Variants in CAPN3 observed in about 807,000 individuals in gnomAD.
The protein encoded by CAPN3 is calpain-3.
Under a neutral mutation model 114.0 loss-of-function variants are expected in CAPN3, and 88 were observed. The observed-to-expected ratio is 0.77, with a 90% confidence interval of 0.65 to 0.92. The LOEUF (loss-of-function observed/expected upper bound fraction) is 0.92, where lower values mean the gene tolerates loss of function less well. CAPN3 is among the 40% of genes least tolerant of loss of function. The pLI is 0.00. For missense variants in CAPN3, 1,028 were observed against 1,069.0 expected (o/e 0.96, Z 0.53); for synonymous variants, 386 against 382.9 (o/e 1.01, Z -0.09).
intron 9 of CAPN3, 89 bp from the exon 10 acceptor site, chr15:42,399,403 T>A: frequency 9.7e-7 from 1 of 1,029,460 alleles, no homozygotes; most frequent in Non-Finnish European, 1.5e-6. Flanking sequence ...AACTATTTTA[T>A]TATTGTGCTG....
intron 1 of CAPN3, among the ~76,000 whole-genome samples, chr15:42,380,745 ATATATATTT>A (rs1327733283): frequency 3.6e-5 from 2 of 55,942 alleles, no homozygotes; most frequent in African/African-American, 2.0e-4. Flanking sequence ...ATATATATAT[ATATATATTT>A]TTTTTTTTTT....
At chr15:42,405,800 G>A (rs2054002775) in intron 14 of CAPN3, 126 bp from the exon 15 acceptor site, 1 of 728,410 alleles carries the variant, frequency 1.4e-6, no homozygotes, top group South Asian at 1.6e-5. Context: ...ATGTGATTCA[G>A]ATTTCTGGAC....
chr15:42,368,201 T>A (rs2052838078), intron 1 of CAPN3, among the ~76,000 whole-genome samples: 1 of 152,186 alleles, frequency 6.6e-6, no homozygotes, highest in African/African-American at 2.4e-5. Context: ...AAAATCTGAG[T>A]CACCCCACAT....
rs778768583 is a variant in CAPN3 at position 42,410,958 on chromosome 15, G to C, written c.2338G>C (p.Asp780His). The C allele has an allele frequency of 3.7e-6, 6 of 1,614,196 alleles. No homozygotes were observed. In the South Asian group the frequency reaches 5.5e-5, roughly 15 times the overall value. The stretch of plus-strand genomic sequence containing the variant: ...AGACAAACACATGAACATCGACTTT[G>C]ACAGTTTCATCTGCTGCTTCGTTAG... Reference protein sequence around the residue: ...YADKHMNIDFDSFICCFVRLE... With the variant: ...YADKHMNIDFHSFICCFVRLE... Residue 780 changes from aspartate to histidine, a missense_variant, in exon 22 of 24, where the codon GAC becomes CAC. Transcript: ENST00000397163.
intron 1 of CAPN3, among the ~76,000 whole-genome samples, chr15:42,360,873 A>C (rs1393290309): frequency 6.6e-6 from 1 of 152,206 alleles, no homozygotes; most frequent in Non-Finnish European, 1.5e-5. Flanking sequence ...TCATCCCTCC[A>C]GTGTGACTCT....
rs200040228 is a variant in CAPN3 at position 42,367,831 on chromosome 15, C to CT, written c.309+7725dup. Reference sequence around the variant, plus strand: ...GGTAACCCTCCCTATTTTTTTCTCTCTTTTTTTTAAACAGAGATAGGAGTC... The same window carrying CT: ...GGTAACCCTCCCTATTTTTTTCTCTCTTTTTTTTTAAACAGAGATAGGAGTC... On this transcript the variant is annotated intron_variant, in intron 1 of 23. Coordinates refer to ENST00000397163, the MANE Select transcript of CAPN3 (RefSeq NM_000070.3). Among the ~76,000 whole-genome samples the CT allele has an allele frequency of 2.2e-3, 329 of 151,902 alleles. 1 individual carries two copies. The highest frequency in any genetic ancestry group is 4.2e-3 in the Non-Finnish European group (285 of 67,956).
Position 42,360,151 on chromosome 15 carries a change from C to T in CAPN3, c.309+37C>T, listed in dbSNP as rs926664637. The T allele has an allele frequency of 3.7e-6, 6 of 1,613,274 alleles. No homozygotes were observed. In the East Asian group the frequency reaches 8.9e-5, roughly 24 times the overall value. On this transcript the variant is annotated intron_variant, in intron 1 of 23. Coordinates refer to ENST00000397163, the MANE Select transcript of CAPN3 (RefSeq NM_000070.3). ...CCTGCTTGCTGGCTGGGTTTTCCCC[C>T]CACGGAGGAGTCCTCTCACTCAGCA...
chr15:42,373,306 G>A (rs2053003931), intron 1 of CAPN3, among the ~76,000 whole-genome samples: 1 of 152,212 alleles, frequency 6.6e-6, no homozygotes, highest in Non-Finnish European at 1.5e-5. Flanking sequence ...AAATCCTCAG[G>A]TCTGGGATGG....
chr15:42,377,742 A>T (rs532451077), intron 1 of CAPN3, among the ~76,000 whole-genome samples: 1 of 152,308 alleles, frequency 6.6e-6, no homozygotes, highest in Non-Finnish European at 1.5e-5. Context: ...TGGAAAATTC[A>T]TATTATTTCT....
chr15:42,378,472 C>T (rs2053150373), intron 1 of CAPN3, among the ~76,000 whole-genome samples: 1 of 152,214 alleles, frequency 6.6e-6, no homozygotes, highest in Non-Finnish European at 1.5e-5. Context: ...TGCCACCAGC[C>T]TGACTGAACT....
rs2053182541 is a variant in CAPN3 at position 42,379,547 on chromosome 15, CT to C, written c.310-4935del. 2.0e-5 allele frequency among the ~76,000 whole-genome samples: 3 copies of C among 152,254 alleles called. No homozygotes were observed. In the South Asian group the frequency reaches 6.2e-4, roughly 32 times the overall value. On this transcript the variant is annotated intron_variant, in intron 1 of 23. Transcript: ENST00000397163. ...TGAAAGAGAGTGTTGACATCACCAA[CT>C]ATAATACTGGATTTGTCTATTTCTC...
chr15:42,366,803 C>T (rs1481721491), intron 1 of CAPN3, among the ~76,000 whole-genome samples: 2 of 151,368 alleles, frequency 1.3e-5, no homozygotes, highest in South Asian at 2.1e-4. Context: ...CTCCACGACC[C>T]GACCCTCACA....
chr15:42,398,327 G>A (rs1204325024), intron 9 of CAPN3, among the ~76,000 whole-genome samples: 1 of 152,042 alleles, frequency 6.6e-6, no homozygotes, highest in Non-Finnish European at 1.5e-5. Context: ...GCTTATGCCT[G>A]TAATCCCAGC....
chr15:42,386,192 T>A lies in CAPN3; in HGVS notation c.405T>A (p.Ile135=), dbSNP rs568666121. ...GGGACTGCTGGTTTCTCGCAGCCAT[T>A]GCCTGCCTGACCCTGAACCAGCACC... is the stretch of plus-strand genomic sequence containing the variant. ...ELGDCWFLAA[I]ACLTLNQHLL... The change falls in exon 3 of 24, where the codon ATT becomes ATA. Residue 135 remains isoleucine, a synonymous_variant. Transcript: ENST00000397163. 6 of 1,613,998 alleles carry A rather than the reference T, an allele frequency of 3.7e-6. No homozygotes were observed. The highest frequency in any genetic ancestry group is 3.3e-5 in the South Asian group (3 of 91,084).
chr15:42,386,720 C>G (rs762758209), intron 3 of CAPN3, among the ~76,000 whole-genome samples: 1 of 152,146 alleles, frequency 6.6e-6, no homozygotes, highest in Non-Finnish European at 1.5e-5. Flanking sequence ...CTCCTCTCTT[C>G]CAAGCCCTGG....
In CAPN3 at chr15:42,390,035, A is replaced by C. The variant is rs765291508; in HGVS notation, c.884A>C (p.Asp295Ala). ...ATTGCACGGATGGTAAGGAATATGG[A>C]TAACTCACTGCTCCAGGACTCAGAC... ...ELIARMVRNM[D>A]NSLLQDSDLD... The change falls in exon 6 of 24, where the codon GAT becomes GCT. Residue 295 changes from aspartate to alanine, a missense_variant. Transcript: ENST00000397163. 1.4e-5 allele frequency: 23 copies of C among 1,613,970 alleles called. No individual in the cohort carries two copies. The highest frequency in any genetic ancestry group is 1.9e-5 in the Non-Finnish European group (23 of 1,180,016).
intron 14 of CAPN3, among the ~76,000 whole-genome samples, chr15:42,405,167 T>C (rs2053982813): frequency 6.6e-6 from 1 of 152,170 alleles, no homozygotes; most frequent in Non-Finnish European, 1.5e-5. Flanking sequence ...AGCTGGGGCT[T>C]TTACCAAAGA....
intron 22 of CAPN3, 83 bp from the exon 23 acceptor site, chr15:42,411,204 C>T: frequency 8.4e-7 from 1 of 1,189,946 alleles, no homozygotes; most frequent in Non-Finnish European, 1.3e-6. Flanking sequence ...CAGCACTGGG[C>T]ACATGGTCCT....
At position 42,410,453 on chromosome 15, in the gene CAPN3, T is replaced by C; in HGVS notation, c.2141T>C (p.Leu714Pro). The change falls in exon 20 of 24, where the codon CTG (leucine) becomes CCG (proline). Residue 714 changes from leucine to proline, a missense_variant. Leu to Pro is a moderately conservative substitution (Grantham distance 98, BLOSUM62 -3). Coordinates refer to ENST00000397163, the MANE Select transcript of CAPN3 (RefSeq NM_000070.3). ...MDTDGSGKLN[L>P]QEFHHLWNKI... is the part of the protein sequence containing the mutation. The stretch of plus-strand genomic sequence containing the variant: ...ACAGATGGCTCTGGAAAGCTCAACC[T>C]GCAGGAGTTCCACCACCTCTGGAAC... 1.2e-6 allele frequency: 2 copies of C among 1,614,100 alleles called. No individual in the cohort carries two copies. Among genetic ancestry groups the C allele is most frequent in the Non-Finnish European group, 1.7e-6 (2 of 1,180,022 alleles).
Sources: gnomAD v4.1 joint callset for allele counts (sites outside exome capture counted in the v4.1 genomes callset) on GRCh38, gnomAD v4.1.1 for gene constraint, MANE v1.5 for transcripts, NCBI Gene and HGNC (gene_info 2026-07-23, HGNC 2026-07-21) for gene names.